PRKCH: variants seen among roughly 807,000 people sequenced by gnomAD.
The protein encoded by PRKCH is protein kinase C eta.
Under a neutral mutation model 82.5 loss-of-function variants are expected in PRKCH, and 28 were observed. The ratio of observed to expected loss-of-function variants is 0.34; its 90% CI spans 0.25 to 0.47. PRKCH has a LOEUF of 0.47. PRKCH is among the 20% of genes least tolerant of loss of function. The probability of loss-of-function intolerance (pLI) is 1.00; values close to 1 mark genes in which losing one functional copy is unlikely to be tolerated. For missense variants in PRKCH, 705 were observed against 881.8 expected (o/e 0.80, Z 2.54); for synonymous variants, 322 against 327.4 (o/e 0.98, Z 0.18).
At chr14:61,293,564 C>G (rs1301049729) in intron 1 of PRKCH, among the ~76,000 whole-genome samples, 2 of 152,204 alleles carry the variant, frequency 1.3e-5, no homozygotes, top group Non-Finnish European at 2.9e-5. Context: ...GACCAAATCA[C>G]TCAGTTCTCA....
chr14:61,249,227 G>A (rs993471726), intron 1 of PRKCH, among the ~76,000 whole-genome samples: 4 of 152,078 alleles, frequency 2.6e-5, no homozygotes, highest in Admixed American at 6.5e-5. Flanking sequence ...TCCCCACTTA[G>A]GTCTCCAGTT....
At chr14:61,236,403 C>T (rs1173087800) in intron 1 of PRKCH, among the ~76,000 whole-genome samples, 1 of 152,042 alleles carries the variant, frequency 6.6e-6, no homozygotes, top group East Asian at 1.9e-4. Flanking sequence ...GCTGATAAAA[C>T]AGGTTGCAGT....
intron 10 of PRKCH, among the ~76,000 whole-genome samples, chr14:61,511,005 C>T (rs957105273): frequency 9.2e-5 from 14 of 152,034 alleles, no homozygotes; most frequent in Non-Finnish European, 1.9e-4. Flanking sequence ...GAGGAGCCTC[C>T]GGAGGAGACA....
At chr14:61,347,406 C>A (rs896005967) in intron 1 of PRKCH, among the ~76,000 whole-genome samples, 12 of 152,186 alleles carry the variant, frequency 7.9e-5, no homozygotes, top group Admixed American at 7.2e-4. Flanking sequence ...CCTTTACCTG[C>A]CTTCATCTGC....
intron 1 of PRKCH, among the ~76,000 whole-genome samples, chr14:61,292,771 C>CAAAAAAAA (rs33918460): frequency 1.4e-5 from 1 of 69,568 alleles, no homozygotes; most frequent in Non-Finnish European, 2.4e-5. Flanking sequence ...ACTCCATCTC[C>CAAAAAAAA]AAAAAAAAAA....
At chr14:61,322,991 G>A (rs2045650099) in intron 1 of PRKCH, among the ~76,000 whole-genome samples, 4 of 151,316 alleles carry the variant, frequency 2.6e-5, no homozygotes, top group African/African-American at 7.3e-5. Flanking sequence ...TACACTGGCA[G>A]GGAAATGAGC....
chr14:61,190,595 G>A (rs2044400303), intron 1 of PRKCH, among the ~76,000 whole-genome samples: 1 of 152,146 alleles, frequency 6.6e-6, no homozygotes, highest in African/African-American at 2.4e-5. Flanking sequence ...AATCTAAACC[G>A]TGTTCTCCAA....
At chr14:61,317,942 A>G (rs915800838), upstream of PRKCH, among the ~76,000 whole-genome samples, 2 of 152,164 alleles carry the variant, frequency 1.3e-5, no homozygotes, top group East Asian at 1.9e-4. Context: ...TCACAACCAC[A>G]TAGCCAATTC....
At chr14:61,439,755 T>TGGTTGGAAGGAAAGAG (rs1883867302) in intron 2 of PRKCH, among the ~76,000 whole-genome samples, 1 of 152,038 alleles carries the variant, frequency 6.6e-6, no homozygotes, top group Non-Finnish European at 1.5e-5. Context: ...TAACTCTTAA[T>TGGTTGGAAGGAAAGAG]GGTTGGAAGG....
chr14:61,390,413 G>A (rs2046659199), intron 1 of PRKCH, among the ~76,000 whole-genome samples: 1 of 152,236 alleles, frequency 6.6e-6, no homozygotes, highest in South Asian at 2.1e-4. Context: ...TCTCACGCCT[G>A]TAATCCCAGC....
intron 1 of PRKCH, among the ~76,000 whole-genome samples, chr14:61,198,036 A>G (rs1294012499): frequency 1.3e-5 from 2 of 151,808 alleles, no homozygotes; most frequent in South Asian, 2.1e-4. Context: ...TGTAAAATAC[A>G]TCCTGCAAAT....
intron 1 of PRKCH, among the ~76,000 whole-genome samples, chr14:61,385,152 T>C (rs1462592888): frequency 6.6e-6 from 1 of 150,874 alleles, no homozygotes; most frequent in Non-Finnish European, 1.5e-5. Flanking sequence ...ACTGTTATAG[T>C]AAGAATGCTA....
intron 2 of PRKCH, among the ~76,000 whole-genome samples, chr14:61,440,259 A>G (rs1372107459): frequency 6.6e-6 from 1 of 152,182 alleles, no homozygotes; most frequent in Admixed American, 6.5e-5. Context: ...GTAGTGTAGT[A>G]ACTTTTGTTC....
In PRKCH at chr14:61,229,770, G is replaced by A. The variant is rs117839515; in HGVS notation, c.-19+42102G>A. On this transcript the variant is annotated intron_variant, in intron 1 of 3. Transcript: ENST00000555185. ...AACACACAGTGGGATCTAACCCATC[G>A]ATAGAAATGGGCTCTATTCCTTCTT... 5.7e-3 allele frequency among the ~76,000 whole-genome samples: 868 copies of A among 152,210 alleles called. 2 individuals are homozygous for A. The highest frequency in any genetic ancestry group is 0.01 in the Middle Eastern group (3 of 294).
At chr14:61,348,895 T>C (rs987555793) in intron 1 of PRKCH, among the ~76,000 whole-genome samples, 1 of 152,258 alleles carries the variant, frequency 6.6e-6, no homozygotes, top group African/African-American at 2.4e-5. Flanking sequence ...AGCCTCTGCT[T>C]CCAGCACAGC....
intron 10 of PRKCH, among the ~76,000 whole-genome samples, chr14:61,514,423 C>G (rs2042792347): frequency 6.6e-6 from 1 of 151,606 alleles, no homozygotes; most frequent in Non-Finnish European, 1.5e-5. Flanking sequence ...CAGTTTGGTT[C>G]TAGACTGGTC....
At chr14:61,548,906 G>A (rs1410651619) in intron 13 of PRKCH, among the ~76,000 whole-genome samples, 2 of 151,082 alleles carry the variant, frequency 1.3e-5, no homozygotes, top group Non-Finnish European at 2.9e-5. Context: ...ATTGATTAAG[G>A]TAAGAGCAGT....
intron 1 of PRKCH, among the ~76,000 whole-genome samples, chr14:61,272,340 CTTTCTTTTTTTT>C (rs1159219859): frequency 1.6e-4 from 16 of 97,826 alleles, no homozygotes; most frequent in South Asian, 1.1e-3. Context: ...TTTCTTTTTT[CTTTCTTTTTTTT>C]TTTTTTTTTT....
At chr14:61,512,296 GAGAA>G (rs1887414365) in intron 10 of PRKCH, among the ~76,000 whole-genome samples, 1 of 145,134 alleles carries the variant, frequency 6.9e-6, no homozygotes, top group Admixed American at 7.0e-5. Context: ...GAAGCAGAGA[GAGAA>G]AGAGAATTTT....
Sources: allele counts gnomAD v4.1 joint callset (sites outside exome capture counted in the v4.1 genomes callset), GRCh38; gene constraint gnomAD v4.1.1; transcripts MANE v1.5; gene names NCBI Gene and HGNC (gene_info 2026-07-23, HGNC 2026-07-21).